Variants in WWOX observed in about 807,000 individuals in gnomAD.
WWOX encodes WW domain containing oxidoreductase, also known as WW domain-containing oxidoreductase.
In WWOX, 69 loss-of-function variants were observed where a neutral mutation model predicts 46.2. The ratio of observed to expected loss-of-function variants is 1.49; its 90% CI spans 1.23 to 1.82. The LOEUF is 1.82. WWOX is among the 40% of genes most tolerant of loss of function. WWOX has a pLI of 0.00. For missense variants in WWOX, 919 were observed against 542.6 expected (o/e 1.69, Z -6.89); for synonymous variants, 359 against 202.6 (o/e 1.77, Z -6.56).
chr16:78,682,264 A>G (rs1179734405), intron 8 of WWOX, among the ~76,000 whole-genome samples: 8 of 152,216 alleles, frequency 5.3e-5, no homozygotes, highest in South Asian at 2.1e-4. Flanking sequence ...ACAATCTTCT[A>G]TTTAAACTAG....
intron 8 of WWOX, among the ~76,000 whole-genome samples, chr16:78,667,924 G>A (rs112104528): frequency 0.013 from 2,045 of 152,106 alleles, 23 homozygotes; most frequent in South Asian, 0.037. Context: ...CCTCTGCCCC[G>A]TCACATCACA....
chr16:78,865,634 C>G (rs1026331022), intron 8 of WWOX, among the ~76,000 whole-genome samples: 2 of 152,150 alleles, frequency 1.3e-5, no homozygotes, highest in African/African-American at 4.8e-5. Flanking sequence ...AATCCCAGCA[C>G]TTTGGGAGGC....
chr16:79,107,923 A>G (rs138602641), intron 8 of WWOX, among the ~76,000 whole-genome samples: 10 of 152,358 alleles, frequency 6.6e-5, no homozygotes, highest in African/African-American at 2.2e-4. Context: ...ATGATTAGGG[A>G]CATGGTGAAG....
At chr16:78,893,865 A>C (rs1165046223) in intron 8 of WWOX, among the ~76,000 whole-genome samples, 1 of 152,130 alleles carries the variant, frequency 6.6e-6, no homozygotes, top group Non-Finnish European at 1.5e-5. Context: ...TTTTCTAGCA[A>C]GCTAGAACAC....
chr16:78,474,881 C>G (rs1158612187), intron 8 of WWOX, among the ~76,000 whole-genome samples: 2 of 152,158 alleles, frequency 1.3e-5, no homozygotes, highest in Admixed American at 1.3e-4. Flanking sequence ...ATCATGTTTT[C>G]AAGATACTGC....
intron 6 of WWOX, among the ~76,000 whole-genome samples, chr16:78,395,206 G>A (rs2082258702): frequency 6.6e-6 from 1 of 152,126 alleles, no homozygotes; most frequent in Non-Finnish European, 1.5e-5. Context: ...GGAAGTGTGG[G>A]TCTCATAAGG....
At chr16:78,478,445 G>A (rs1334449385) in intron 8 of WWOX, among the ~76,000 whole-genome samples, 6 of 152,184 alleles carry the variant, frequency 3.9e-5, no homozygotes, top group East Asian at 3.9e-4. Context: ...TTCAGACTCC[G>A]GAAAGAAAAA....
chr16:78,859,165 C>T (rs1341621892), intron 8 of WWOX, among the ~76,000 whole-genome samples: 2 of 149,838 alleles, frequency 1.3e-5, no homozygotes, highest in Admixed American at 6.7e-5. Flanking sequence ...CTGGGGAGAA[C>T]CCTCCACCTT....
chr16:78,624,619 CT>C (rs1378919154), intron 8 of WWOX, among the ~76,000 whole-genome samples: 1 of 152,168 alleles, frequency 6.6e-6, no homozygotes, highest in African/African-American at 2.4e-5. Context: ...CAGAAAATCA[CT>C]CATTTCTATG....
At chr16:78,144,468 C>CATATATATAT (rs1215805172) in intron 4 of WWOX, among the ~76,000 whole-genome samples, 2 of 14,484 alleles carry the variant, frequency 1.4e-4, no homozygotes, top group Non-Finnish European at 2.4e-4. Context: ...TATATACACA[C>CATATATATAT]ATATATATAT....
At chr16:78,666,100 C>G (rs755879750) in intron 8 of WWOX, among the ~76,000 whole-genome samples, 7 of 151,930 alleles carry the variant, frequency 4.6e-5, no homozygotes, top group Non-Finnish European at 8.8e-5. Context: ...GCCTGGTTAA[C>G]ATAGTGAGAG....
chr16:78,423,163 G>T (rs2082991669), intron 6 of WWOX, among the ~76,000 whole-genome samples: 2 of 152,116 alleles, frequency 1.3e-5, no homozygotes, highest in Non-Finnish European at 1.5e-5. Flanking sequence ...GAGATTACAG[G>T]CGTGAGCCGC....
At chr16:78,843,944 G>A (rs905990503) in intron 8 of WWOX, among the ~76,000 whole-genome samples, 5 of 152,132 alleles carry the variant, frequency 3.3e-5, no homozygotes, top group Admixed American at 1.3e-4. Context: ...ACCGAAAAGC[G>A]TAATTACATT....
At chr16:79,120,914 G>T (rs772780114) in intron 8 of WWOX, among the ~76,000 whole-genome samples, 1 of 152,122 alleles carries the variant, frequency 6.6e-6, no homozygotes, top group East Asian at 1.9e-4. Context: ...GATTACAGGC[G>T]TGCGCCACCA....
chr16:78,626,913 G>T (rs1237928042), intron 8 of WWOX, among the ~76,000 whole-genome samples: 1 of 151,982 alleles, frequency 6.6e-6, no homozygotes, highest in Non-Finnish European at 1.5e-5. Flanking sequence ...GGAACAATTT[G>T]GTCTTCAAAA....
intron 5 of WWOX, among the ~76,000 whole-genome samples, chr16:78,379,884 A>G (rs1485990144): frequency 6.6e-6 from 1 of 152,198 alleles, no homozygotes; most frequent in Non-Finnish European, 1.5e-5. Flanking sequence ...CATTATTGGT[A>G]AGCATAATGT....
intron 5 of WWOX, among the ~76,000 whole-genome samples, chr16:78,254,841 T>C (rs1340528782): frequency 6.6e-6 from 1 of 152,172 alleles, no homozygotes; most frequent in Non-Finnish European, 1.5e-5. Context: ...CTTCCCTTTC[T>C]AAGAGCCCTC....
At chr16:78,334,250 T>C (rs931112418) in intron 5 of WWOX, among the ~76,000 whole-genome samples, 1 of 152,236 alleles carries the variant, frequency 6.6e-6, no homozygotes, top group Non-Finnish European at 1.5e-5. Context: ...AAATTCACTT[T>C]AGTTATTATG....
intron 8 of WWOX, among the ~76,000 whole-genome samples, chr16:78,754,737 A>G (rs1161934496): frequency 6.6e-6 from 1 of 152,140 alleles, no homozygotes; most frequent in Non-Finnish European, 1.5e-5. Context: ...AGAAAAAAAG[A>G]TTTCTTCTCC....
Sources: allele counts gnomAD v4.1 joint callset (sites outside exome capture counted in the v4.1 genomes callset), GRCh38; gene constraint gnomAD v4.1.1; transcripts MANE v1.5; gene names NCBI Gene and HGNC (gene_info 2026-07-23, HGNC 2026-07-21).